DPP6: variants seen among roughly 807,000 people sequenced by gnomAD.
DPP6 encodes the protein dipeptidyl peptidase like 6.
Under a neutral mutation model 122.6 loss-of-function variants are expected in DPP6, and 69 were observed. The observed-to-expected ratio is 0.56, with a 90% CI of 0.46 to 0.69. The LOEUF (loss-of-function observed/expected upper bound fraction) is 0.69. Among genes scored for constraint, DPP6 ranks in the 30% least tolerant of loss-of-function variants. The probability of loss-of-function intolerance (pLI) is 0.00; values close to 1 mark genes in which losing one functional copy is unlikely to be tolerated. For synonymous variants in DPP6, 418 were observed against 433.1 expected, an observed-to-expected ratio of 0.97 and a Z score of 0.43; for missense variants, 928 against 1,116.9, an observed-to-expected ratio of 0.83 and a Z score of 2.41.
intron 3 of DPP6, among the ~76,000 whole-genome samples, chr7:154,534,128 G>T (rs1417467905): frequency 1.3e-5 from 2 of 152,010 alleles, no homozygotes; most frequent in Non-Finnish European, 2.9e-5. Context: ...GACAATAAAA[G>T]AGAAACCTCA....
intron 3 of DPP6, among the ~76,000 whole-genome samples, chr7:154,517,188 C>T (rs1826586752): frequency 6.6e-6 from 1 of 152,154 alleles, no homozygotes; most frequent in African/African-American, 2.4e-5. Flanking sequence ...ATGTAGGAGG[C>T]ACCCCCACAG....
chr7:154,024,460 T>C (rs1473277246), intron 1 of DPP6, among the ~76,000 whole-genome samples: 1 of 152,036 alleles, frequency 6.6e-6, no homozygotes, highest in Non-Finnish European at 1.5e-5. Flanking sequence ...GTTATGTCAA[T>C]GCTCACTGGA....
intron 16 of DPP6, 50 bp from the exon 17 acceptor site, chr7:154,853,730 C>T (rs1243104977): frequency 6.2e-7 from 1 of 1,603,738 alleles, no homozygotes; most frequent in East Asian, 2.2e-5. Context: ...CTCGGCTAAA[C>T]TAATGGCTTC....
chr7:154,348,025 T>G (rs987672181), intron 1 of DPP6, among the ~76,000 whole-genome samples: 2 of 152,194 alleles, frequency 1.3e-5, no homozygotes, highest in African/African-American at 4.8e-5. Flanking sequence ...TTTTGACGGT[T>G]TGAGGAACTA....
chr7:154,548,126 G>A (rs967893840), intron 4 of DPP6, among the ~76,000 whole-genome samples: 22 of 151,978 alleles, frequency 1.4e-4, no homozygotes, highest in African/African-American at 2.7e-4. Context: ...GGAGAATTGC[G>A]TGAACCGGGG....
At chr7:154,724,025 G>T (rs574870909) in intron 7 of DPP6, among the ~76,000 whole-genome samples, 1 of 152,174 alleles carries the variant, frequency 6.6e-6, no homozygotes, top group Non-Finnish European at 1.5e-5. Context: ...GAGACATGAG[G>T]TGGTTCCTGG....
intron 5 of DPP6, among the ~76,000 whole-genome samples, chr7:154,629,511 G>T (rs1404410646): frequency 6.6e-6 from 1 of 151,674 alleles, no homozygotes; most frequent in African/African-American, 2.4e-5. Flanking sequence ...TTCTCATTAT[G>T]TTACTATATT....
intron 1 of DPP6, among the ~76,000 whole-genome samples, chr7:154,061,587 T>G (rs1585276153): frequency 6.9e-6 from 1 of 145,850 alleles, no homozygotes. Context: ...CCATCCCCTC[T>G]TCCCCCCTGG....
chr7:154,680,722 G>T (rs991555145), intron 7 of DPP6, among the ~76,000 whole-genome samples: 1 of 151,636 alleles, frequency 6.6e-6, no homozygotes. Flanking sequence ...AGAAGAAAAT[G>T]TATTGTTAAA....
rs117600476 is a variant in DPP6, at chr7:154,682,299, C to G, written c.762+12858C>G. Among the ~76,000 whole-genome samples the G allele has an allele frequency of 1.9e-3, 292 of 152,356 alleles. 1 individual carries two copies. The highest frequency in any genetic ancestry group is 1.8e-3 in the Non-Finnish European group (125 of 68,040). On this transcript the variant is annotated intron_variant, in intron 7 of 25. Coordinates refer to ENST00000377770, the MANE Select transcript of DPP6 (RefSeq NM_130797.4). Reference sequence around the variant, plus strand: ...GAGAGTGCTCCTGATTAAAACCTGTCAGGATCAGGCTGAACTCAACAAGGC... The same window carrying G: ...GAGAGTGCTCCTGATTAAAACCTGTGAGGATCAGGCTGAACTCAACAAGGC...
At chr7:154,334,524 C>G (rs1439675094) in intron 1 of DPP6, among the ~76,000 whole-genome samples, 1 of 152,160 alleles carries the variant, frequency 6.6e-6, no homozygotes, top group African/African-American at 2.4e-5. Flanking sequence ...TTCACCATAC[C>G]ATGTCTGGAG....
intron 8 of DPP6, among the ~76,000 whole-genome samples, chr7:154,750,474 G>A (rs914697981): frequency 1.3e-5 from 2 of 152,228 alleles, no homozygotes; most frequent in African/African-American, 2.4e-5. Flanking sequence ...AAGAAACTTA[G>A]CCAGGCACTG....
rs1269135022 is a variant in DPP6 at position 154,806,975 on chromosome 7, G to A, written c.1548-19G>A. 1.2e-6 allele frequency: 2 copies of A among 1,613,010 alleles called. No homozygotes were observed. The highest frequency in any genetic ancestry group is 1.1e-5 in the South Asian group (1 of 90,972). ...CTCCTCTCCGCCCACATTCACACCTGCGTCCTTTGCTCTTCCAGTGCCAAC... is the reference window on the plus strand; with the variant it reads ...CTCCTCTCCGCCCACATTCACACCTACGTCCTTTGCTCTTCCAGTGCCAAC... On this transcript the variant is annotated intron_variant, in intron 15 of 25. Transcript: ENST00000377770.
chr7:153,917,687 A>G (rs962118465), intron 1 of DPP6, among the ~76,000 whole-genome samples: 2 of 152,216 alleles, frequency 1.3e-5, no homozygotes, highest in African/African-American at 2.4e-5. Flanking sequence ...CGAAGATTCA[A>G]ATTTCGTGGA....
intron 10 of DPP6, among the ~76,000 whole-genome samples, chr7:154,782,793 T>C (rs909070114): frequency 2.6e-5 from 4 of 152,066 alleles, no homozygotes; most frequent in African/African-American, 9.7e-5. Context: ...TTTATTATTA[T>C]TATTTTTTGA....
At chr7:154,057,349 C>T (rs1045652441) in intron 1 of DPP6, 9 of 191,700 alleles carry the variant, frequency 4.7e-5, no homozygotes, top group Admixed American at 1.3e-4. Context: ...AGACACCCCC[C>T]GCGAGGCGGG....
At chr7:153,830,808 T>A in the DPP6 span, among the ~76,000 whole-genome samples, 2 of 152,206 alleles carry the variant, frequency 1.3e-5, no homozygotes, top group African/African-American at 4.8e-5. Context: ...TTTCACACAT[T>A]TTGTCTGAAG....
At chr7:154,348,520 A>G (rs576318253) in intron 1 of DPP6, among the ~76,000 whole-genome samples, 1 of 152,332 alleles carries the variant, frequency 6.6e-6, no homozygotes, top group East Asian at 1.9e-4. Context: ...TATTTAAAGG[A>G]TAGCATCATA....
At chr7:154,388,236 G>A (rs1002526397) in intron 1 of DPP6, among the ~76,000 whole-genome samples, 26 of 152,202 alleles carry the variant, frequency 1.7e-4, no homozygotes, top group Admixed American at 9.2e-4. Context: ...CTGAAAGGTC[G>A]AGCTGTAATC....
Sources: allele counts gnomAD v4.1 joint callset (sites outside exome capture counted in the v4.1 genomes callset), GRCh38; gene constraint gnomAD v4.1.1; transcripts MANE v1.5; gene names NCBI Gene and HGNC (gene_info 2026-07-23, HGNC 2026-07-21).